Variants in EVL observed in about 807,000 individuals in gnomAD.
EVL encodes the protein Enah/Vasp-like.
EVL carries 21 observed loss-of-function variants against 59.6 expected under a neutral mutation model. The observed-to-expected ratio is 0.35, with a 90% CI of 0.25 to 0.51. The LOEUF (loss-of-function observed/expected upper bound fraction) is 0.51. Ranked by LOEUF, EVL falls within the 20% of genes least tolerant of loss-of-function variation. The probability of loss-of-function intolerance (pLI) is 0.97; values close to 1 mark genes in which losing one functional copy is unlikely to be tolerated. For synonymous variants in EVL, 198 were observed against 203.5 expected (o/e 0.97, Z 0.23); for missense variants, 462 against 546.6 (o/e 0.85, Z 1.54).
rs147894295 is a variant in EVL, at chr14:100,082,401, G to A, written c.12-2286G>A. On this transcript the variant is annotated intron_variant, in intron 1 of 13. Transcript: ENST00000392920. ...TGGCGAGGGGACTGGTAGCTTTGTCGTGTGGCTGATGGAAGGAAGCGCTCT... is the reference window on the plus strand; with the variant it reads ...TGGCGAGGGGACTGGTAGCTTTGTCATGTGGCTGATGGAAGGAAGCGCTCT... 3.6e-4 allele frequency among the ~76,000 whole-genome samples: 55 copies of A among 152,256 alleles called. 1 individual carries two copies. The East Asian group carries it at 9.1e-3, about 25-fold the overall frequency.
intron 1 of EVL, among the ~76,000 whole-genome samples, chr14:100,049,063 A>C (rs1256718156): frequency 6.6e-6 from 1 of 152,226 alleles, no homozygotes; most frequent in Non-Finnish European, 1.5e-5. Flanking sequence ...GAAATGAAAT[A>C]AAAGCAAAAC....
intron 1 of EVL, among the ~76,000 whole-genome samples, chr14:99,984,582 TC>T (rs2060828125): frequency 6.6e-6 from 1 of 152,180 alleles, no homozygotes; most frequent in Non-Finnish European, 1.5e-5. Flanking sequence ...TTAATTAACA[TC>T]TTATATTAGT....
chr14:100,064,664 A>G (rs1194606235), upstream of EVL, among the ~76,000 whole-genome samples: 3 of 152,198 alleles, frequency 2.0e-5, no homozygotes, highest in Admixed American at 1.3e-4. Context: ...TAATCTCAGC[A>G]CTTTGGGAGG....
chr14:100,127,525 A>G lies in EVL; in HGVS notation c.487+754A>G, dbSNP rs1187887404. ...GCCTCCTGCTCCCCGGCCAGTCTGC[A>G]TTTCTGATGCAGGTCTGACACTGTC... On this transcript the variant is annotated intron_variant, in intron 5 of 13. Coordinates refer to ENST00000392920, the MANE Select transcript of EVL (RefSeq NM_016337.3). The surrounding 1 kb of genome is among the most constrained non-coding windows in gnomAD (Gnocchi z 4.2). 6.6e-6 allele frequency among the ~76,000 whole-genome samples: 1 copy of G among 152,062 alleles called. No homozygotes were observed. The highest frequency in any genetic ancestry group is 2.4e-5 in the African/African-American group (1 of 41,378).
chr14:100,118,713 A>C (rs1887508037), intron 3 of EVL, among the ~76,000 whole-genome samples: 1 of 150,996 alleles, frequency 6.6e-6, no homozygotes, highest in African/African-American at 2.4e-5. Context: ...CCCTCACCCC[A>C]CCTCACCACC....
chr14:100,083,593 T>C (rs1255451507), intron 1 of EVL, among the ~76,000 whole-genome samples: 2 of 152,232 alleles, frequency 1.3e-5, no homozygotes, highest in African/African-American at 4.8e-5. Context: ...AGTTTTAGTG[T>C]ATTAATTTTA....
At chr14:100,083,243 T>C (rs913645300) in intron 1 of EVL, among the ~76,000 whole-genome samples, 5 of 152,170 alleles carry the variant, frequency 3.3e-5, no homozygotes, top group African/African-American at 1.2e-4. Context: ...CTGTCACAGT[T>C]AGCAACTGAG....
intron 1 of EVL, among the ~76,000 whole-genome samples, chr14:100,050,051 C>T (rs185096728): frequency 6.6e-4 from 101 of 152,256 alleles, no homozygotes; most frequent in African/African-American, 2.4e-3. Context: ...AGTCGATCCT[C>T]GCTCAAGGGG....
intron 1 of EVL, among the ~76,000 whole-genome samples, chr14:100,044,568 A>C (rs1566981794): frequency 6.6e-6 from 1 of 152,210 alleles, no homozygotes; most frequent in African/African-American, 2.4e-5. Context: ...GAGAGCTCAC[A>C]GCATAAAGAC....
chr14:100,051,002 C>T (rs1205700214), intron 1 of EVL, among the ~76,000 whole-genome samples: 1 of 152,106 alleles, frequency 6.6e-6, no homozygotes. Flanking sequence ...CCGCCTCAGC[C>T]TCCCAAAGTT....
At chr14:99,984,394 T>C (rs1371228701) in intron 1 of EVL, among the ~76,000 whole-genome samples, 1 of 152,200 alleles carries the variant, frequency 6.6e-6, no homozygotes, top group East Asian at 1.9e-4. Context: ...TGTGTATGTA[T>C]GTATGTGTCT....
intron 1 of EVL, among the ~76,000 whole-genome samples, chr14:100,033,772 G>A (rs909132579): frequency 2.0e-5 from 3 of 152,194 alleles, no homozygotes; most frequent in African/African-American, 7.2e-5. Flanking sequence ...AAGAAAGTGA[G>A]TCATATGCTG....
At chr14:100,043,747 G>A (rs2061504969) in intron 1 of EVL, among the ~76,000 whole-genome samples, 1 of 151,530 alleles carries the variant, frequency 6.6e-6, no homozygotes, top group African/African-American at 2.4e-5. Flanking sequence ...CAAGTAGCTG[G>A]GACTACAGAT....
Position 100,143,926 on chromosome 14 carries a change from G to C in EVL, c.*188G>C. On this transcript the variant is annotated 3_prime_UTR_variant, in exon 14 of 14. Transcript: ENST00000392920. ...CAAGTGCAACTCCTGGGTTTTTTTA[G>C]ATTCTGCCTGACACGGAACACCAGG... 1 of 615,670 alleles carries C rather than the reference G, an allele frequency of 1.6e-6. No individual in the cohort carries two copies. The highest frequency in any genetic ancestry group is 2.9e-5 in the East Asian group (1 of 34,984). The allele number at this position is 615,670 out of a possible 1,614,324, so 38.1% of individuals were successfully genotyped here. A position where few individuals can be genotyped will look rare whatever the true frequency, so the allele number is the denominator to read the frequency against.
Position 100,137,743 on chromosome 14 carries a change from C to G in EVL, c.1035C>G (p.Thr345=). 1 of 1,614,108 alleles carries G rather than the reference C, an allele frequency of 6.2e-7. No individual in the cohort carries two copies. Among genetic ancestry groups the G allele is most frequent in the Non-Finnish European group, 8.5e-7 (1 of 1,180,012 alleles). The part of the protein sequence containing the change: ...EKPVSSILSR[T]PSVAKSPEAK... ...CTGTTTCATTCCATTGCCGTAGAAC[C>G]CCGTCTGTGGCAAAGAGCCCCGAAG... is the stretch of plus-strand genomic sequence containing the variant. Residue 345 remains threonine (T), a synonymous_variant, in exon 11 of 14, where the codon ACC becomes ACG. Coordinates refer to ENST00000392920, the MANE Select transcript of EVL (RefSeq NM_016337.3).
chr14:99,983,289 G>T (rs1002969049), intron 1 of EVL, among the ~76,000 whole-genome samples: 2 of 152,162 alleles, frequency 1.3e-5, no homozygotes, highest in African/African-American at 4.8e-5. Context: ...CATAATATTT[G>T]GACGTAGAGG....
At chr14:100,142,678 C>T (rs1889261537) in intron 13 of EVL, among the ~76,000 whole-genome samples, 4 of 152,122 alleles carry the variant, frequency 2.6e-5, no homozygotes, top group African/African-American at 7.2e-5. Context: ...CCGGCCCACC[C>T]TTGTTTGAGC....
chr14:100,131,649 G>A (rs535621829), intron 7 of EVL, among the ~76,000 whole-genome samples: 1 of 152,210 alleles, frequency 6.6e-6, no homozygotes, highest in East Asian at 1.9e-4. Context: ...TGGCTGCTGG[G>A]GGGTAGCTGG....
At chr14:100,110,047 T>TG in intron 3 of EVL, among the ~76,000 whole-genome samples, 1 of 152,376 alleles carries the variant, frequency 6.6e-6, no homozygotes, top group East Asian at 1.9e-4. Context: ...TATAACAGTT[T>TG]GAAGTTACTC....
Sources: allele counts gnomAD v4.1 joint callset (sites outside exome capture counted in the v4.1 genomes callset), GRCh38; gene constraint gnomAD v4.1.1; non-coding constraint Gnocchi (gnomAD v3.1); transcripts MANE v1.5; gene names NCBI Gene and HGNC (gene_info 2026-07-23, HGNC 2026-07-21).